SLIT1: variants seen among roughly 807,000 people sequenced by gnomAD.
The protein encoded by SLIT1 is slit guidance ligand 1, also known as slit homolog 1 protein.
A neutral mutation model predicts 186.1 loss-of-function variants in SLIT1; 66 were observed. The observed-to-expected ratio is 0.35, with a 90% CI of 0.29 to 0.44. The LOEUF is 0.44. SLIT1 is among the 20% of genes least tolerant of loss of function. The pLI is 1.00. For missense variants in SLIT1, 1,638 were observed against 2,037.4 expected (o/e 0.80, Z 3.77); for synonymous variants, 761 against 833.8 (o/e 0.91, Z 1.50).
chr10:97,185,882 G>C lies in SLIT1; in HGVS notation c.-208C>G. ...GGAGGGAGGGCGCCTTGGGCGGAGGGGGCTCGGCTCCTCTGCCGTTTCGCC... is the reference window on the plus strand; with the variant it reads ...GGAGGGAGGGCGCCTTGGGCGGAGGCGGCTCGGCTCCTCTGCCGTTTCGCC... On this transcript the variant is annotated 5_prime_UTR_variant, in exon 1 of 37. Coordinates refer to ENST00000266058, the MANE Select transcript of SLIT1 (RefSeq NM_003061.3). 2.0e-6 allele frequency: 1 copy of C among 501,372 alleles called. No individual in the cohort carries two copies. Among genetic ancestry groups the C allele is most frequent in the Non-Finnish European group, 3.5e-6 (1 of 288,838 alleles). 31.1% of individuals were successfully genotyped at this position (501,372 alleles called of 1,614,324 possible). A position where few individuals can be genotyped will look rare whatever the true frequency, so the allele number is the denominator to read the frequency against.
At chr10:97,061,182 C>CTA (rs1848890957) in intron 8 of SLIT1, among the ~76,000 whole-genome samples, 1 of 152,192 alleles carries the variant, frequency 6.6e-6, no homozygotes, top group African/African-American at 2.4e-5. Flanking sequence ...ATGCCACATG[C>CTA]TATAATAAGT....
chr10:97,103,804 G>T (rs12770870), intron 4 of SLIT1: 1 of 152,094 alleles, frequency 6.6e-6, no homozygotes, highest in African/African-American at 2.4e-5. Flanking sequence ...GTGGTTACAC[G>T]GTAGGGTCAG....
chr10:97,100,283 G>T (rs1050473211), intron 4 of SLIT1, among the ~76,000 whole-genome samples: 1 of 152,158 alleles, frequency 6.6e-6, no homozygotes. Context: ...AGCAGGAGTG[G>T]TTCACCTGTG....
chr10:97,088,144 G>A (rs2134660921), intron 4 of SLIT1, among the ~76,000 whole-genome samples: 1 of 152,296 alleles, frequency 6.6e-6, no homozygotes, highest in Non-Finnish European at 1.5e-5. Context: ...TGATCAGGGA[G>A]GGAGCCTGGG....
intron 4 of SLIT1, among the ~76,000 whole-genome samples, chr10:97,131,716 T>C (rs1314410630): frequency 1.3e-5 from 2 of 152,222 alleles, no homozygotes; most frequent in Non-Finnish European, 2.9e-5. Flanking sequence ...AATTCTGCAT[T>C]TTACTACTTA....
At chr10:97,129,010 C>T (rs71486110) in intron 4 of SLIT1, among the ~76,000 whole-genome samples, 14,057 of 152,158 alleles carry the variant, frequency 0.092, 695 homozygotes, top group Middle Eastern at 0.17. Flanking sequence ...AAGTGAGGCT[C>T]GGACTGAATC....
intron 4 of SLIT1, among the ~76,000 whole-genome samples, chr10:97,141,030 T>C (rs748932255): frequency 2.0e-5 from 3 of 152,104 alleles, no homozygotes; most frequent in Non-Finnish European, 4.4e-5. Flanking sequence ...ACCGCTTGGG[T>C]CGGCTTCTTC....
Position 97,073,001 on chromosome 10 carries a change from C to T in SLIT1, c.414-6915G>A, listed in dbSNP as rs141523009. Reference sequence around the variant, plus strand: ...TGCCCGAAGCACAGCCTAAGCAACCCTAAGGCTCTGTTGTTTCAAGCTTTC... The same window carrying T: ...TGCCCGAAGCACAGCCTAAGCAACCTTAAGGCTCTGTTGTTTCAAGCTTTC... On this transcript the variant is annotated intron_variant, in intron 4 of 36. Transcript: ENST00000266058. Among the ~76,000 whole-genome samples the T allele has an allele frequency of 2.2e-3, 328 of 152,330 alleles. 5 individuals carry two copies. The highest frequency in any genetic ancestry group is 6.8e-3 in the Middle Eastern group (2 of 294).
At position 97,032,115 on chromosome 10, in the gene SLIT1, C is replaced by A. The variant is rs567116923; in HGVS notation, c.2439-438G>T. ...CACCTGACTGCGGGGAGCTCACCGTCTCAGCCGACCACTTCCAGGGAGGAC... is the reference window on the plus strand; with the variant it reads ...CACCTGACTGCGGGGAGCTCACCGTATCAGCCGACCACTTCCAGGGAGGAC... On this transcript the variant is annotated intron_variant, in intron 23 of 36. Transcript: ENST00000266058. 2.0e-4 allele frequency among the ~76,000 whole-genome samples: 30 copies of A among 152,364 alleles called. 1 individual carries two copies. The South Asian group carries it at 6.2e-3, about 32-fold the overall frequency.
Position 97,068,858 on chromosome 10 carries a change from C to T in SLIT1, c.414-2772G>A, listed in dbSNP as rs1472747946. On this transcript the variant is annotated intron_variant, in intron 4 of 36. Coordinates refer to ENST00000266058, the MANE Select transcript of SLIT1 (RefSeq NM_003061.3). This position sits in a 1 kb window ranked among gnomAD's most constrained non-coding sequence, Gnocchi z 4.2. Reference sequence around the variant, plus strand: ...CCAGAGGGCCCCCAGTGGCCTACTCCCCGATGCCTGTCTTTATGCAGCAAC... The same window carrying T: ...CCAGAGGGCCCCCAGTGGCCTACTCTCCGATGCCTGTCTTTATGCAGCAAC... Among the ~76,000 whole-genome samples the T allele has an allele frequency of 6.6e-6, 1 of 152,206 alleles. No individual in the cohort carries two copies. Among genetic ancestry groups the T allele is most frequent in the Non-Finnish European group, 1.5e-5 (1 of 68,036 alleles).
chr10:97,009,833 T>C (rs1848395644), intron 31 of SLIT1, among the ~76,000 whole-genome samples: 1 of 152,126 alleles, frequency 6.6e-6, no homozygotes, highest in Admixed American at 6.5e-5. Flanking sequence ...TGAATAAAAA[T>C]TTTTTCCAAA....
At chr10:97,018,452 C>A in intron 28 of SLIT1, 134 bp downstream of exon 28, 2 of 599,860 alleles carry the variant, frequency 3.3e-6, no homozygotes, top group Non-Finnish European at 3.0e-6. Flanking sequence ...TACATGCCTG[C>A]CCCCGACAGT....
At chr10:97,157,702 G>A in intron 4 of SLIT1, 116 bp downstream of exon 4, 3 of 766,836 alleles carry the variant, frequency 3.9e-6, no homozygotes, top group Non-Finnish European at 6.8e-6. Context: ...GCCAGGGGAG[G>A]AGCACAGGGT....
At chr10:97,057,977 A>T in intron 11 of SLIT1, 2 of 717,494 alleles carry the variant, frequency 2.8e-6, no homozygotes, top group Non-Finnish European at 5.2e-6. Flanking sequence ...TGAGTAAAAA[A>T]TCCTGGGTAC....
chr10:97,119,199 C>T (rs1215668943), intron 4 of SLIT1, among the ~76,000 whole-genome samples: 1 of 152,220 alleles, frequency 6.6e-6, no homozygotes, highest in African/African-American at 2.4e-5. Flanking sequence ...ATGGGAAACT[C>T]CTCAGGGAAC....
Position 97,182,772 on chromosome 10 carries a change from G to A in SLIT1, c.197+2706C>T, listed in dbSNP as rs115234182. Among the ~76,000 whole-genome samples the A allele has an allele frequency of 4.6e-4, 70 of 152,338 alleles. 1 individual carries two copies. Among genetic ancestry groups the A allele is most frequent in the African/African-American group, 1.5e-3 (63 of 41,572 alleles). On this transcript the variant is annotated intron_variant, in intron 1 of 36. Coordinates refer to ENST00000266058, the MANE Select transcript of SLIT1 (RefSeq NM_003061.3). ...GAGCATGTTTCAGCCCCAGGGACAA[G>A]CTGGTCCATCTGCCCATATCGGGCC...
chr10:97,066,614 C>T (rs1010412369), intron 4 of SLIT1, among the ~76,000 whole-genome samples: 2 of 152,158 alleles, frequency 1.3e-5, no homozygotes, highest in Admixed American at 6.5e-5. Context: ...CTCTCCTTCA[C>T]TCTCCCACGT....
intron 4 of SLIT1, among the ~76,000 whole-genome samples, chr10:97,081,075 C>T (rs1849100175): frequency 6.6e-6 from 1 of 152,216 alleles, no homozygotes; most frequent in Non-Finnish European, 1.5e-5. Context: ...TCACTTTTCT[C>T]AGGAAAGCTC....
chr10:97,094,823 A>G (rs1849270118), intron 4 of SLIT1, among the ~76,000 whole-genome samples: 1 of 152,240 alleles, frequency 6.6e-6, no homozygotes, highest in Non-Finnish European at 1.5e-5. Context: ...ATGTCATCTT[A>G]TCAGTTTTTT....
Sources: allele counts gnomAD v4.1 joint callset (sites outside exome capture counted in the v4.1 genomes callset), GRCh38; gene constraint gnomAD v4.1.1; non-coding constraint Gnocchi (gnomAD v3.1); transcripts MANE v1.5; gene names NCBI Gene and HGNC (gene_info 2026-07-23, HGNC 2026-07-21).